Variants in KALRN observed in about 807,000 individuals in gnomAD.
KALRN encodes kalirin RhoGEF kinase.
A neutral mutation model predicts 353.7 loss-of-function variants in KALRN; 70 were observed. The ratio of observed to expected loss-of-function variants is 0.20; its 90% CI spans 0.16 to 0.24. The LOEUF is 0.24. Among genes scored for constraint, KALRN ranks in the 10% least tolerant of loss-of-function variants. The probability of loss-of-function intolerance (pLI) is 1.00; values close to 1 mark genes in which losing one functional copy is unlikely to be tolerated. For missense variants in KALRN, 2,791 were observed against 3,756.7 expected (o/e 0.74, Z 6.72); for synonymous variants, 1,391 against 1,434.8 (o/e 0.97, Z 0.69).
At position 124,659,365 on chromosome 3, in the gene KALRN, G is replaced by C. The variant is rs1345311075; in HGVS notation, c.6124G>C (p.Glu2042Gln). 1 of 1,607,318 alleles carries C rather than the reference G, an allele frequency of 6.2e-7. No homozygotes were observed. Among genetic ancestry groups the C allele is most frequent in the African/African-American group, 1.3e-5 (1 of 74,798 alleles). ...IVAEYDAYFE[E>Q]VKQEINQRLT... ...TCTAATATTGCTGCCTGTGTTTCAG[G>C]AGGTAAAACAGGAGATAAATCAGAG... The change falls in exon 43 of 60, where the codon GAG becomes CAG. Residue 2042 changes from glutamate to glutamine, a missense_variant and splice_region_variant. Transcript: ENST00000682506.
intron 55 of KALRN, 63 bp from the exon 56 acceptor site, chr3:124,699,806 A>G: frequency 6.7e-7 from 1 of 1,489,452 alleles, no homozygotes; most frequent in Non-Finnish European, 9.3e-7. Flanking sequence ...TGTTTGCTGA[A>G]GGTCTTTGAA....
At position 124,048,717 on chromosome 3, in the gene KALRN, C is replaced by T. The variant is rs199980350; in HGVS notation, c.73+14904C>T. On this transcript the variant is annotated intron_variant, in intron 1 of 59. Coordinates refer to ENST00000682506, the MANE Select transcript of KALRN (RefSeq NM_001388419.1). ...CCAGATGGTCTCGATCTCCTGATCT[C>T]GTGATCCGCCTGCCTTGGCCTCCCA... Among the ~76,000 whole-genome samples the T allele has an allele frequency of 1.8e-4, 28 of 152,290 alleles. No individual in the cohort carries two copies. The East Asian group carries it at 3.3e-3, about 18-fold the overall frequency.
At chr3:124,566,332 C>G (rs2072824300) in intron 34 of KALRN, among the ~76,000 whole-genome samples, 1 of 152,042 alleles carries the variant, frequency 6.6e-6, no homozygotes, top group South Asian at 2.1e-4. Context: ...GAAACCCTGT[C>G]TCTACAAAAA....
chr3:124,211,132 T>C (rs778488152), intron 1 of KALRN, among the ~76,000 whole-genome samples: 1 of 152,240 alleles, frequency 6.6e-6, no homozygotes, highest in Admixed American at 6.5e-5. Flanking sequence ...ATCACACAGT[T>C]CAGACACTTC....
rs1268317679 is a variant in KALRN, at chr3:124,065,200, A to G, written c.73+31387A>G. Among the ~76,000 whole-genome samples, 6 of 152,332 alleles carry G rather than the reference A, an allele frequency of 3.9e-5. No homozygotes were observed. The East Asian group carries it at 1.2e-3, about 29-fold the overall frequency. On this transcript the variant is annotated intron_variant, in intron 1 of 59. Transcript: ENST00000682506. ...TAAGAAGGAAAAGCATAGAAGGAGC[A>G]TATAGCATCGTGATGATAGGGCTGG...
In KALRN at chr3:124,416,990, G is replaced by A. The variant is rs142367320; in HGVS notation, c.2542+3325G>A. On this transcript the variant is annotated intron_variant, in intron 14 of 59. Coordinates refer to ENST00000682506, the MANE Select transcript of KALRN (RefSeq NM_001388419.1). ...TCAAGTGTGAAGTTTATAATATTGA[G>A]CCAGGCTCTACTAAATCCCTCTGGT... 1.7e-3 allele frequency among the ~76,000 whole-genome samples: 261 copies of A among 152,328 alleles called. 1 individual carries two copies. The highest frequency in any genetic ancestry group is 2.7e-3 in the Non-Finnish European group (183 of 68,030).
intron 5 of KALRN, among the ~76,000 whole-genome samples, chr3:124,275,464 C>T (rs1560433423): frequency 6.6e-6 from 1 of 152,236 alleles, no homozygotes; most frequent in East Asian, 1.9e-4. Flanking sequence ...TAAGAAACCT[C>T]TCAGCAAATA....
Position 124,461,966 on chromosome 3 carries a change from C to T in KALRN, c.3921+10C>T. On this transcript the variant is annotated intron_variant, in intron 24 of 59. Transcript: ENST00000682506. ...GCATGAGTGCTTAGAGGTGAGTCTT[C>T]CAGTAATCCGTTCACAGCTATATTG... The T allele has an allele frequency of 6.3e-7, 1 of 1,599,912 alleles. No individual in the cohort carries two copies. Among genetic ancestry groups the T allele is most frequent in the Non-Finnish European group, 8.6e-7 (1 of 1,167,408 alleles).
chr3:124,203,284 T>A (rs2076118045), intron 1 of KALRN, among the ~76,000 whole-genome samples: 2 of 152,280 alleles, frequency 1.3e-5, no homozygotes, highest in South Asian at 4.1e-4. Context: ...GAGTCAGCCT[T>A]CTCATTAACC....
chr3:124,678,158 C>A, intron 49 of KALRN, 32 bp from the exon 50 acceptor site: 1 of 1,609,946 alleles, frequency 6.2e-7, no homozygotes, highest in Non-Finnish European at 8.5e-7. Flanking sequence ...CCTGACCTGC[C>A]ATTTTGATTG....
At chr3:124,701,102 T>A (rs1413239286) in intron 56 of KALRN, among the ~76,000 whole-genome samples, 1 of 152,160 alleles carries the variant, frequency 6.6e-6, no homozygotes, top group Non-Finnish European at 1.5e-5. Flanking sequence ...GGCTGCTCAC[T>A]TGCTCCAGCC....
intron 46 of KALRN, 116 bp from the exon 47 acceptor site, chr3:124,666,896 A>G: frequency 9.1e-7 from 1 of 1,099,228 alleles, no homozygotes; most frequent in Non-Finnish European, 1.3e-6. Context: ...GTCCTGCTAG[A>G]TCCAGGGCAA....
Position 124,430,561 on chromosome 3 carries a change from G to A in KALRN, c.2710-95G>A, listed in dbSNP as rs2093225817. On this transcript the variant is annotated intron_variant, in intron 15 of 59. Transcript: ENST00000682506. Reference sequence around the variant, plus strand: ...TCTCTCCAACAGAAGATAAAAGATAGTGAGCTCTCCAACTGAAGTCCCCAT... The same window carrying A: ...TCTCTCCAACAGAAGATAAAAGATAATGAGCTCTCCAACTGAAGTCCCCAT... 3 of 1,438,610 alleles carry A rather than the reference G, an allele frequency of 2.1e-6. No homozygotes were observed. In the East Asian group the frequency reaches 7.0e-5, roughly 34 times the overall value. 89.1% of individuals were successfully genotyped at this position (1,438,610 alleles called of 1,614,324 possible).
At chr3:124,352,921 G>T (rs1389315476) in intron 10 of KALRN, among the ~76,000 whole-genome samples, 2 of 152,070 alleles carry the variant, frequency 1.3e-5, no homozygotes, top group South Asian at 4.2e-4. Flanking sequence ...ATAAATGACG[G>T]GTTGGTGGGT....
intron 1 of KALRN, among the ~76,000 whole-genome samples, chr3:124,190,075 A>C (rs990374079): frequency 6.6e-6 from 1 of 152,188 alleles, no homozygotes; most frequent in African/African-American, 2.4e-5. Context: ...AGAATGTAGG[A>C]AATGAGACTA....
chr3:124,591,582 C>A (rs2075776960), intron 34 of KALRN, among the ~76,000 whole-genome samples: 1 of 152,104 alleles, frequency 6.6e-6, no homozygotes, highest in South Asian at 2.1e-4. Flanking sequence ...GGAGAGTGGA[C>A]AAGAAGGAAT....
intron 1 of KALRN, among the ~76,000 whole-genome samples, chr3:124,053,138 G>A (rs771546511): frequency 2.0e-5 from 3 of 152,144 alleles, no homozygotes; most frequent in African/African-American, 7.2e-5. Flanking sequence ...TTGGGCTCAA[G>A]GGATCCTTGC....
intron 36 of KALRN, among the ~76,000 whole-genome samples, chr3:124,634,247 C>G (rs893274246): frequency 1.3e-5 from 2 of 152,132 alleles, no homozygotes; most frequent in African/African-American, 4.8e-5. Flanking sequence ...GCAGCACATC[C>G]TAAAAGGAGC....
intron 5 of KALRN, among the ~76,000 whole-genome samples, chr3:124,289,844 C>T (rs2076274886): frequency 6.6e-6 from 1 of 152,294 alleles, no homozygotes. Flanking sequence ...TATGAAGGCT[C>T]TTGGCACAGG....
Sources: gnomAD v4.1 joint callset for allele counts (sites outside exome capture counted in the v4.1 genomes callset) on GRCh38, gnomAD v4.1.1 for gene constraint, MANE v1.5 for transcripts, NCBI Gene and HGNC (gene_info 2026-07-23, HGNC 2026-07-21) for gene names.